Variants in CTNNBL1 observed in about 807,000 individuals in gnomAD.
The protein encoded by CTNNBL1 is catenin beta like 1, also known as beta-catenin-like protein 1.
In CTNNBL1, 31 loss-of-function variants were observed where a neutral mutation model predicts 72.7. The observed-to-expected ratio is 0.43, with a 90% CI of 0.32 to 0.58. The LOEUF (loss-of-function observed/expected upper bound fraction) is 0.58, where lower values mean the gene tolerates loss of function less well. CTNNBL1 is among the 20% of genes least tolerant of loss of function. The probability of loss-of-function intolerance (pLI) is 0.08; values close to 1 mark genes in which losing one functional copy is unlikely to be tolerated. For synonymous variants in CTNNBL1, 240 were observed against 267.3 expected, an observed-to-expected ratio of 0.90 and a Z score of 1.00; for missense variants, 534 against 725.1, an observed-to-expected ratio of 0.74 and a Z score of 3.03.
At chr20:37,818,365 C>G (rs1222255141) in intron 11 of CTNNBL1, among the ~76,000 whole-genome samples, 1 of 152,124 alleles carries the variant, frequency 6.6e-6, no homozygotes, top group Non-Finnish European at 1.5e-5. Context: ...CCTCCAGTCT[C>G]CCTGAGATTA....
chr20:37,814,076 C>T (rs2072034308), intron 11 of CTNNBL1, among the ~76,000 whole-genome samples: 1 of 152,152 alleles, frequency 6.6e-6, no homozygotes, highest in Non-Finnish European at 1.5e-5. Context: ...CACTGAGGCC[C>T]AGATAACTTG....
At chr20:37,699,385 T>G (rs2072820754) in intron 1 of CTNNBL1, among the ~76,000 whole-genome samples, 1 of 152,212 alleles carries the variant, frequency 6.6e-6, no homozygotes, top group African/African-American at 2.4e-5. Flanking sequence ...ATTCTCAACA[T>G]GCCTTCTGAG....
chr20:37,718,970 G>C (rs1405632332), intron 1 of CTNNBL1, among the ~76,000 whole-genome samples: 3 of 152,316 alleles, frequency 2.0e-5, no homozygotes, highest in Non-Finnish European at 4.4e-5. Flanking sequence ...TCGGGCTCAA[G>C]TATTGTCACT....
chr20:37,777,507 C>A, intron 8 of CTNNBL1, 90 bp downstream of exon 8: 1 of 1,431,676 alleles, frequency 7.0e-7, no homozygotes. Flanking sequence ...CCTTTGGCAT[C>A]CCCTTGCTCT....
At chr20:37,842,252 C>G (rs544434179) in intron 12 of CTNNBL1, 87 bp from the exon 13 acceptor site, 2 of 916,118 alleles carry the variant, frequency 2.2e-6, no homozygotes, top group Non-Finnish European at 3.6e-6. Context: ...TGTAAGGGAG[C>G]GACAGTGAGA....
chr20:37,814,901 A>G (rs1278509901), intron 11 of CTNNBL1, among the ~76,000 whole-genome samples: 3 of 152,170 alleles, frequency 2.0e-5, no homozygotes, highest in East Asian at 3.9e-4. Flanking sequence ...GACTTGTTCA[A>G]CACAGCTTTA....
At chr20:37,764,914 CTG>C (rs2073452067) in intron 5 of CTNNBL1, among the ~76,000 whole-genome samples, 1 of 152,156 alleles carries the variant, frequency 6.6e-6, no homozygotes, top group Non-Finnish European at 1.5e-5. Context: ...AGTGCTAACA[CTG>C]TCACTCACCA....
In CTNNBL1 at chr20:37,694,442, C is replaced by T. The variant is rs562382902; in HGVS notation, c.30+290C>T. Among the ~76,000 whole-genome samples, 47 of 152,268 alleles carry T rather than the reference C, an allele frequency of 3.1e-4. No homozygotes were observed. In the South Asian group the frequency reaches 9.1e-3, roughly 30 times the overall value. ...ACTATCCTTTTTTTCACAACCATGT[C>T]CTCTCAGCTCTCATGTCCCCCCAGT... On this transcript the variant is annotated intron_variant, in intron 1 of 15. Transcript: ENST00000361383.
intron 11 of CTNNBL1, among the ~76,000 whole-genome samples, chr20:37,829,733 T>A (rs757988598): frequency 2.0e-5 from 3 of 152,206 alleles, no homozygotes; most frequent in African/African-American, 7.2e-5. Flanking sequence ...ACTCTGATGC[T>A]ACCTTTCCTA....
chr20:37,732,447 C>G (rs999281218), intron 1 of CTNNBL1, among the ~76,000 whole-genome samples: 1 of 152,174 alleles, frequency 6.6e-6, no homozygotes, highest in African/African-American at 2.4e-5. Context: ...TGAGCCTAAC[C>G]CAGTGTCCCC....
chr20:37,778,636 C>G (rs1470249733), intron 9 of CTNNBL1, among the ~76,000 whole-genome samples: 1 of 152,192 alleles, frequency 6.6e-6, no homozygotes, highest in Admixed American at 6.5e-5. Flanking sequence ...CCCCAGCTCC[C>G]CTGTGAGGGA....
chr20:37,775,835 C>T (rs964074366), intron 7 of CTNNBL1, among the ~76,000 whole-genome samples: 11 of 152,198 alleles, frequency 7.2e-5, no homozygotes, highest in Non-Finnish European at 5.9e-5. Context: ...GGCCATGGCT[C>T]TAGTGACCTA....
intron 5 of CTNNBL1, among the ~76,000 whole-genome samples, chr20:37,762,538 C>A (rs1264234328): frequency 6.6e-6 from 1 of 152,140 alleles, no homozygotes; most frequent in South Asian, 2.1e-4. Flanking sequence ...CAGAAAACAT[C>A]ACACCCCAGA....
chr20:37,781,423 G>C (rs948352084), intron 10 of CTNNBL1, among the ~76,000 whole-genome samples: 1 of 152,140 alleles, frequency 6.6e-6, no homozygotes, highest in African/African-American at 2.4e-5. Context: ...CAGAAATATG[G>C]ATTATTCAAA....
At chr20:37,732,268 T>C (rs777310661) in intron 1 of CTNNBL1, among the ~76,000 whole-genome samples, 2 of 152,262 alleles carry the variant, frequency 1.3e-5, no homozygotes, top group Non-Finnish European at 2.9e-5. Context: ...TCAACTCTTC[T>C]GTAAAATAGA....
intron 7 of CTNNBL1, among the ~76,000 whole-genome samples, chr20:37,771,183 T>C (rs903229198): frequency 1.3e-5 from 2 of 152,248 alleles, no homozygotes; most frequent in African/African-American, 4.8e-5. Flanking sequence ...AAAGAGGTTA[T>C]AGCAGTGGGT....
At chr20:37,728,116 C>T (rs973078899) in intron 1 of CTNNBL1, among the ~76,000 whole-genome samples, 1 of 152,118 alleles carries the variant, frequency 6.6e-6, no homozygotes, top group Non-Finnish European at 1.5e-5. Context: ...ATGGAAATCC[C>T]CTAGGCCTGT....
intron 4 of CTNNBL1, among the ~76,000 whole-genome samples, chr20:37,747,819 A>AT (rs2073281236): frequency 6.6e-6 from 1 of 151,994 alleles, no homozygotes; most frequent in African/African-American, 2.4e-5. Context: ...GCCTCAAGTG[A>AT]TTTTGCCTCA....
At chr20:37,814,566 C>G (rs947471468) in intron 11 of CTNNBL1, among the ~76,000 whole-genome samples, 1 of 150,870 alleles carries the variant, frequency 6.6e-6, no homozygotes, top group Non-Finnish European at 1.5e-5. Context: ...CTCTGTTGTC[C>G]CCCTCTTGAG....
Sources: allele counts gnomAD v4.1 joint callset (sites outside exome capture counted in the v4.1 genomes callset), GRCh38; gene constraint gnomAD v4.1.1; transcripts MANE v1.5; gene names NCBI Gene and HGNC (gene_info 2026-07-23, HGNC 2026-07-21).